Variants in TOPAZ1 observed in about 807,000 individuals in gnomAD.
TOPAZ1 encodes protein TOPAZ1.
A neutral mutation model predicts 172.2 loss-of-function variants in TOPAZ1; 66 were observed. The observed-to-expected ratio is 0.38, with a 90% CI of 0.31 to 0.47. The LOEUF is 0.47. TOPAZ1 is among the 20% of genes least tolerant of loss of function. TOPAZ1 has a pLI of 0.99. For missense variants in TOPAZ1, 1,822 were observed against 1,972.4 expected, an observed-to-expected ratio of 0.92 and a Z score of 1.44; for synonymous variants, 681 against 683.9, an observed-to-expected ratio of 1.00 and a Z score of 0.07.
intron 16 of TOPAZ1, among the ~76,000 whole-genome samples, chr3:44,317,158 C>T (rs1345838637): frequency 6.6e-6 from 1 of 152,168 alleles, no homozygotes; most frequent in Non-Finnish European, 1.5e-5. Flanking sequence ...TGGTGGCTCA[C>T]GCCTGTAATC....
Position 44,257,086 on chromosome 3 carries a change from T to C in TOPAZ1, c.2955+808T>C, listed in dbSNP as rs191269681. On this transcript the variant is annotated intron_variant, in intron 4 of 19. Coordinates refer to ENST00000309765, the MANE Select transcript of TOPAZ1 (RefSeq NM_001145030.2). ...ACTCAGGCCTGTTATCTCAGGACTT[T>C]GGGAGGCTGAGGTGGGAGGACTACT... 7.4e-4 allele frequency among the ~76,000 whole-genome samples: 112 copies of C among 152,144 alleles called. 2 individuals carry two copies. In the East Asian group the frequency reaches 0.019, roughly 26 times the overall value.
intron 12 of TOPAZ1, 144 bp from the exon 13 acceptor site, chr3:44,303,871 T>C (rs558502007): frequency 1.4e-5 from 6 of 427,772 alleles, no homozygotes; most frequent in African/African-American, 4.1e-5. Flanking sequence ...TGCCTTTTTT[T>C]CAGCTCTGAA....
In TOPAZ1 at chr3:44,290,809, T is replaced by C. The variant is rs1700128939; in HGVS notation, c.3720T>C (p.Phe1240=). 1 of 1,550,202 alleles carries C rather than the reference T, an allele frequency of 6.5e-7. No individual in the cohort carries two copies. The highest frequency in any genetic ancestry group is 1.2e-5 in the South Asian group (1 of 83,766). The change falls in exon 12 of 20, where the codon TTT becomes TTC. Residue 1240 remains phenylalanine, a synonymous_variant. Coordinates refer to ENST00000309765, the MANE Select transcript of TOPAZ1 (RefSeq NM_001145030.2). Reference sequence around the variant, plus strand: ...GGATGGTGCTTGACCCAGAGCACTTTAACTATATTGTTAAGCTTTTATACC... The same window carrying C: ...GGATGGTGCTTGACCCAGAGCACTTCAACTATATTGTTAAGCTTTTATACC... ...EAGMVLDPEH[F]NYIVKLLYQV...
intron 12 of TOPAZ1, among the ~76,000 whole-genome samples, chr3:44,299,469 T>G (rs1700243283): frequency 1.3e-5 from 2 of 151,802 alleles, no homozygotes; most frequent in Non-Finnish European, 2.9e-5. Flanking sequence ...CTGGAGAGGA[T>G]GTGGAGAAAT....
At chr3:44,303,464 C>G (rs1700298141) in intron 12 of TOPAZ1, among the ~76,000 whole-genome samples, 1 of 144,518 alleles carries the variant, frequency 6.9e-6, no homozygotes, top group East Asian at 2.1e-4. Context: ...TCTGATCTAC[C>G]CAGATGCTTG....
intron 16 of TOPAZ1, among the ~76,000 whole-genome samples, chr3:44,317,735 G>A (rs1700465903): frequency 6.6e-6 from 1 of 152,146 alleles, no homozygotes; most frequent in African/African-American, 2.4e-5. Context: ...AGAAAAACAT[G>A]AAGATGAATG....
chr3:44,257,468 TAG>T (rs1491117507), intron 4 of TOPAZ1, among the ~76,000 whole-genome samples: 6 of 31,050 alleles, frequency 1.9e-4, no homozygotes, highest in East Asian at 1.6e-3. Flanking sequence ...TATATATATA[TAG>T]TGTGTGTGTG....
chr3:44,246,179 A>G (rs1434857444), intron 2 of TOPAZ1, among the ~76,000 whole-genome samples: 1 of 152,220 alleles, frequency 6.6e-6, no homozygotes, highest in Non-Finnish European at 1.5e-5. Flanking sequence ...TTTTCCCTCA[A>G]ATAGGACTAG....
chr3:44,296,847 C>CAAAAAAAAAAAAAAAGAAAAAAAAA (rs1700201514), intron 12 of TOPAZ1, among the ~76,000 whole-genome samples: 1 of 104,776 alleles, frequency 9.5e-6, no homozygotes, highest in Non-Finnish European at 1.8e-5. Flanking sequence ...CAGAGAATAC[C>CAAAAAAAAAAAAAAAGAAAAAAAAA]AAAAAAAAAA....
intron 7 of TOPAZ1, among the ~76,000 whole-genome samples, chr3:44,270,138 A>G (rs1489425969): frequency 6.6e-6 from 1 of 152,196 alleles, no homozygotes; most frequent in African/African-American, 2.4e-5. Flanking sequence ...TTATGGGGAA[A>G]GTTTGTTGTA....
chr3:44,297,750 T>TAA lies in TOPAZ1; in HGVS notation c.3798-6256_3798-6255dup, dbSNP rs35355700. ...ATATGCCAAGGAATGTACCAAAATTTAAAAAAAAAACACTCTCCTAGAACT... is the reference window on the plus strand; with the variant it reads ...ATATGCCAAGGAATGTACCAAAATTTAAAAAAAAAAAACACTCTCCTAGAACT... On this transcript the variant is annotated intron_variant, in intron 12 of 19. Coordinates refer to ENST00000309765, the MANE Select transcript of TOPAZ1 (RefSeq NM_001145030.2). 2.0e-3 allele frequency among the ~76,000 whole-genome samples: 293 copies of TAA among 149,834 alleles called. 3 individuals carry two copies. The East Asian group carries it at 0.02, about 10-fold the overall frequency.
At chr3:44,275,438 G>A (rs1051691509) in intron 8 of TOPAZ1, among the ~76,000 whole-genome samples, 1 of 152,034 alleles carries the variant, frequency 6.6e-6, no homozygotes, top group African/African-American at 2.4e-5. Flanking sequence ...CCACGTAAGA[G>A]TGAGAATATG....
intron 16 of TOPAZ1, among the ~76,000 whole-genome samples, chr3:44,315,436 A>C (rs1433134970): frequency 2.6e-5 from 4 of 151,782 alleles, no homozygotes; most frequent in African/African-American, 9.7e-5. Context: ...GCATGATCTC[A>C]GCTCACTGTA....
chr3:44,243,982 A>G lies in TOPAZ1; in HGVS notation c.1476A>G (p.Arg492=). The part of the protein sequence containing the change: ...CQRTIPMTGK[R]TWPYYSCARI... ...GAACAATACCTATGACTGGTAAAAGAACTTGGCCCTATTATTCATGTGCTA... is the reference window on the plus strand; with the variant it reads ...GAACAATACCTATGACTGGTAAAAGGACTTGGCCCTATTATTCATGTGCTA... Residue 492 remains arginine (R), a synonymous_variant, in exon 2 of 20, where the codon AGA becomes AGG. Transcript: ENST00000309765. The G allele has an allele frequency of 6.4e-7, 1 of 1,552,278 alleles. No homozygotes were observed. The highest frequency in any genetic ancestry group is 8.7e-7 in the Non-Finnish European group (1 of 1,147,084).
Position 44,321,008 on chromosome 3 carries a change from AT to A in TOPAZ1, c.4307-12del, listed in dbSNP as rs1383012474. 4.0e-6 allele frequency: 6 copies of A among 1,494,900 alleles called. No individual in the cohort carries two copies. The highest frequency in any genetic ancestry group is 2.5e-5 in the East Asian group (1 of 40,316). 92.6% of individuals were successfully genotyped at this position (1,494,900 alleles called of 1,614,324 possible). ...CATTTTCATGGTATAAACTATTCAT[AT>A]TTTTTTCTTTTTGGAAGAGTCAGAG... On this transcript the variant is annotated intron_variant, in intron 16 of 19. Transcript: ENST00000309765.
intron 12 of TOPAZ1, among the ~76,000 whole-genome samples, chr3:44,301,610 A>G (rs1320207418): frequency 6.6e-6 from 1 of 152,136 alleles, no homozygotes; most frequent in Admixed American, 6.5e-5. Context: ...TCTCTCATGA[A>G]TGAATTTGAG....
intron 16 of TOPAZ1, among the ~76,000 whole-genome samples, chr3:44,314,247 A>G (rs1261418093): frequency 6.6e-6 from 1 of 152,014 alleles, no homozygotes; most frequent in African/African-American, 2.4e-5. Flanking sequence ...TTAATTATTA[A>G]AGAAATTTTT....
At chr3:44,281,806 T>G (rs941742387) in intron 8 of TOPAZ1, among the ~76,000 whole-genome samples, 162 bp from the exon 9 acceptor site, 6 of 152,262 alleles carry the variant, frequency 3.9e-5, no homozygotes, top group Non-Finnish European at 7.3e-5. Flanking sequence ...GAATTCAATA[T>G]GTACTTCAAA....
intron 19 of TOPAZ1, 137 bp downstream of exon 19, chr3:44,328,570 G>C: frequency 2.4e-6 from 1 of 424,256 alleles, no homozygotes; most frequent in East Asian, 4.1e-5. Context: ...CTTTATGTGT[G>C]TGTATTGCAA....
Sources: gnomAD v4.1 joint callset for allele counts (sites outside exome capture counted in the v4.1 genomes callset) on GRCh38, gnomAD v4.1.1 for gene constraint, MANE v1.5 for transcripts, NCBI Gene and HGNC (gene_info 2026-07-23, HGNC 2026-07-21) for gene names.